Variants in NLGN1 observed in about 807,000 individuals in gnomAD.
The protein encoded by NLGN1 is neuroligin 1.
NLGN1 carries 12 observed loss-of-function variants against 65.5 expected under a neutral mutation model. The ratio of observed to expected loss-of-function variants is 0.18; its 90% CI spans 0.12 to 0.30. The LOEUF is 0.30. Among genes scored for constraint, NLGN1 ranks in the 10% least tolerant of loss-of-function variants. NLGN1 has a pLI of 1.00. For synonymous variants in NLGN1, 350 were observed against 359.5 expected, an observed-to-expected ratio of 0.97 and a Z score of 0.30; for missense variants, 750 against 1,007.1, an observed-to-expected ratio of 0.74 and a Z score of 3.46.
At chr3:173,667,660 C>T (rs1315958021) in intron 3 of NLGN1, among the ~76,000 whole-genome samples, 1 of 152,030 alleles carries the variant, frequency 6.6e-6, no homozygotes, top group Non-Finnish European at 1.5e-5. Flanking sequence ...GTTCAAGTCT[C>T]ACTCTGTTGC....
At chr3:173,681,684 T>C (rs944769870) in intron 3 of NLGN1, among the ~76,000 whole-genome samples, 15 of 152,180 alleles carry the variant, frequency 9.9e-5, no homozygotes, top group African/African-American at 3.6e-4. Flanking sequence ...TAGTAACTAC[T>C]TACTAGGTAT....
Position 173,527,644 on chromosome 3 carries a change from G to T in NLGN1, c.-320-76635G>T, listed in dbSNP as rs574413004. Reference sequence around the variant, plus strand: ...GATCTCCTGACCTCGTGATCTGCCCGCCTCGGCCTCCCAAAGTGCTGGGAT... The same window carrying T: ...GATCTCCTGACCTCGTGATCTGCCCTCCTCGGCCTCCCAAAGTGCTGGGAT... On this transcript the variant is annotated intron_variant, in intron 2 of 6. Transcript: ENST00000457714. Among the ~76,000 whole-genome samples the T allele has an allele frequency of 2.6e-5, 4 of 152,274 alleles. No individual in the cohort carries two copies. In the East Asian group the frequency reaches 5.8e-4, roughly 22 times the overall value.
chr3:173,754,024 C>CT (rs71162358), intron 3 of NLGN1, among the ~76,000 whole-genome samples: 1,274 of 121,590 alleles, frequency 0.01, 5 homozygotes, highest in Non-Finnish European at 0.012. Context: ...TCTTTCTTTT[C>CT]TTTTTTTTTT....
At chr3:173,848,676 C>T (rs1246006791) in intron 4 of NLGN1, among the ~76,000 whole-genome samples, 2 of 152,038 alleles carry the variant, frequency 1.3e-5, no homozygotes, top group African/African-American at 2.4e-5. Context: ...GAATGTTGGC[C>T]TGCATTTACT....
intron 4 of NLGN1, among the ~76,000 whole-genome samples, chr3:174,189,646 G>A (rs1276354362): frequency 6.6e-6 from 1 of 151,610 alleles, no homozygotes; most frequent in Non-Finnish European, 1.5e-5. Context: ...GCAACTAATA[G>A]AACTCATTAC....
intron 2 of NLGN1, among the ~76,000 whole-genome samples, chr3:173,512,825 A>C (rs1001743986): frequency 6.6e-6 from 1 of 152,058 alleles, no homozygotes; most frequent in Admixed American, 6.6e-5. Flanking sequence ...GTTCTGTTTC[A>C]TTTTTGCCTT....
At chr3:173,826,810 G>C (rs1721421679) in intron 4 of NLGN1, among the ~76,000 whole-genome samples, 2 of 152,044 alleles carry the variant, frequency 1.3e-5, no homozygotes, top group Non-Finnish European at 2.9e-5. Flanking sequence ...TATTGAACAA[G>C]TGTTTATTCA....
intron 4 of NLGN1, among the ~76,000 whole-genome samples, chr3:174,179,354 G>A (rs1729976971): frequency 6.6e-6 from 1 of 152,034 alleles, no homozygotes; most frequent in African/African-American, 2.4e-5. Flanking sequence ...AGGTAAAGTT[G>A]AATATGTGTG....
intron 2 of NLGN1, among the ~76,000 whole-genome samples, chr3:173,489,089 T>A (rs547513357): frequency 6.6e-6 from 1 of 152,076 alleles, no homozygotes; most frequent in African/African-American, 2.4e-5. Context: ...TTTTTCTTTT[T>A]TTATTATTAT....
intron 3 of NLGN1, among the ~76,000 whole-genome samples, chr3:173,762,776 C>T (rs1372797093): frequency 6.6e-6 from 1 of 151,742 alleles, no homozygotes; most frequent in East Asian, 1.9e-4. Context: ...GCTGATTCTG[C>T]CAAGATTAGG....
intron 4 of NLGN1, among the ~76,000 whole-genome samples, chr3:173,823,101 T>A (rs1353408526): frequency 6.6e-6 from 1 of 152,002 alleles, no homozygotes; most frequent in African/African-American, 2.4e-5. Context: ...ATTAAAGATA[T>A]TCGCATATAA....
intron 3 of NLGN1, among the ~76,000 whole-genome samples, chr3:173,725,617 G>A (rs1166957566): frequency 1.3e-5 from 2 of 152,164 alleles, no homozygotes; most frequent in East Asian, 3.8e-4. Context: ...AGTTTTCTAT[G>A]CTGTATAGCT....
chr3:174,076,724 A>AGAGT (rs1491274049), intron 4 of NLGN1, among the ~76,000 whole-genome samples: 146 of 82,056 alleles, frequency 1.8e-3, no homozygotes, highest in Non-Finnish European at 3.0e-3. Flanking sequence ...AGAGAGAGAG[A>AGAGT]GTGTGTGTGT....
In NLGN1 at chr3:173,587,645, A is replaced by G. The variant is rs114778098; in HGVS notation, c.-320-16634A>G. Among the ~76,000 whole-genome samples, 511 of 152,334 alleles carry G rather than the reference A, an allele frequency of 3.4e-3. 4 individuals carry two copies. The highest frequency in any genetic ancestry group is 0.011 in the African/African-American group (478 of 41,588). The stretch of plus-strand genomic sequence containing the variant: ...AGCCTTGATGAGTTGTGAATTTTCT[A>G]TCAGAGTAACACAAAATGTGGTAGT... On this transcript the variant is annotated intron_variant, in intron 2 of 6. Transcript: ENST00000457714.
chr3:173,959,671 C>A (rs1713057275), intron 4 of NLGN1, among the ~76,000 whole-genome samples: 2 of 152,132 alleles, frequency 1.3e-5, no homozygotes, highest in African/African-American at 2.4e-5. Context: ...GTTACTATGT[C>A]ATTTAATTTA....
At chr3:173,835,893 C>A (rs1470346428) in intron 4 of NLGN1, among the ~76,000 whole-genome samples, 1 of 152,190 alleles carries the variant, frequency 6.6e-6, no homozygotes. Context: ...TTTATATATA[C>A]ATTAGCATTT....
chr3:173,451,409 G>A lies in NLGN1; in HGVS notation c.-321+16331G>A, dbSNP rs148464105. On this transcript the variant is annotated intron_variant, in intron 2 of 6. Coordinates refer to ENST00000457714, the Ensembl canonical transcript of NLGN1. ...GAACCGCAAATGCTGCTGCCTGATC[G>A]TTCCTCTGGAAGTTTTGTCTCAGAG... Among the ~76,000 whole-genome samples, 847 of 152,216 alleles carry A rather than the reference G, an allele frequency of 5.6e-3. 14 individuals are homozygous for A. Among genetic ancestry groups the A allele is most frequent in the African/African-American group, 0.02 (827 of 41,522 alleles).
chr3:173,978,016 C>T (rs997331287), intron 4 of NLGN1, among the ~76,000 whole-genome samples: 11 of 151,758 alleles, frequency 7.2e-5, no homozygotes, highest in Admixed American at 2.6e-4. Context: ...AACAGGAAAA[C>T]GAGGAGAGAA....
intron 4 of NLGN1, among the ~76,000 whole-genome samples, chr3:173,935,461 G>T (rs769776614): frequency 1.3e-5 from 2 of 151,848 alleles, no homozygotes; most frequent in African/African-American, 2.4e-5. Flanking sequence ...CTGCATGTCA[G>T]TAGATACTGG....
Sources: gnomAD v4.1 joint callset for allele counts (sites outside exome capture counted in the v4.1 genomes callset) on GRCh38, gnomAD v4.1.1 for gene constraint, MANE v1.5 for transcripts, NCBI Gene and HGNC (gene_info 2026-07-23, HGNC 2026-07-21) for gene names.